The following ERICH6B variants were observed in gnomAD, a reference collection of about 807,000 sequenced individuals.
ERICH6B encodes glutamate-rich protein 6B.
Under a neutral mutation model 80.0 loss-of-function variants are expected in ERICH6B, and 69 were observed. The ratio of observed to expected loss-of-function variants is 0.86; its 90% CI spans 0.71 to 1.05. The LOEUF is 1.05. Ranked by LOEUF, ERICH6B falls within the 50% of genes least tolerant of loss-of-function variation. The pLI is 0.00. For missense variants in ERICH6B, 754 were observed against 796.1 expected, an observed-to-expected ratio of 0.95 and a Z score of 0.64; for synonymous variants, 283 against 291.9, an observed-to-expected ratio of 0.97 and a Z score of 0.31.
At chr13:45,574,977 A>C (rs1566295101) in intron 7 of ERICH6B, 47 bp from the exon 8 acceptor site, 18 of 1,260,902 alleles carry the variant, frequency 1.4e-5, no homozygotes, top group Non-Finnish European at 1.9e-5. Context: ...TGTGGAAAGA[A>C]AACCAAAAAC....
chr13:45,604,109 G>C (rs1203517606), intron 2 of ERICH6B, among the ~76,000 whole-genome samples: 1 of 152,218 alleles, frequency 6.6e-6, no homozygotes, highest in Non-Finnish European at 1.5e-5. Context: ...GACACATGGA[G>C]ACAGGGGCAC....
At chr13:45,572,059 T>C (rs951396038) in intron 8 of ERICH6B, among the ~76,000 whole-genome samples, 3 of 152,260 alleles carry the variant, frequency 2.0e-5, no homozygotes, top group Non-Finnish European at 4.4e-5. Flanking sequence ...TAAAAATCTT[T>C]AGCCAAGAGC....
Position 45,561,464 on chromosome 13 carries a change from T to C in ERICH6B, c.1312A>G (p.Lys438Glu). The C allele has an allele frequency of 6.4e-7, 1 of 1,552,172 alleles. No homozygotes were observed. ...FHLMSKPTPE[K>E]PETEEIQKPQ... ...TTTTGGATTTCTTCTGTCTCAGGCT[T>C]CTCAGGTGTTGGTTTGCTCATTAAA... Residue 438 changes from lysine (K) to glutamate (E), a missense_variant, in exon 11 of 15, where the codon AAG (lysine) becomes GAG (glutamate). Transcript: ENST00000298738.
At chr13:45,598,202 G>T (rs549905914) in intron 2 of ERICH6B, among the ~76,000 whole-genome samples, 2 of 151,968 alleles carry the variant, frequency 1.3e-5, no homozygotes, top group Non-Finnish European at 2.9e-5. Flanking sequence ...GTGTGTTCTT[G>T]TTCAATTTTT....
At chr13:45,580,737 ATGTGGGGTCCC>A in intron 5 of ERICH6B, 72 bp from the exon 6 acceptor site, 1 of 1,460,730 alleles carries the variant, frequency 6.8e-7, no homozygotes, top group Non-Finnish European at 9.3e-7. Context: ...CATACTGGGT[ATGTGGGGTCCC>A]AGGTTCTTTC....
intron 3 of ERICH6B, among the ~76,000 whole-genome samples, chr13:45,593,318 A>T (rs913709281): frequency 2.6e-5 from 4 of 152,086 alleles, no homozygotes; most frequent in Admixed American, 6.6e-5. Flanking sequence ...ATTGTGTCTC[A>T]TCTTTTGGTT....
chr13:45,593,412 G>A (rs1876234308), intron 3 of ERICH6B, among the ~76,000 whole-genome samples: 2 of 152,162 alleles, frequency 1.3e-5, no homozygotes, highest in South Asian at 4.2e-4. Flanking sequence ...AATACATCAT[G>A]TAATATAATA....
At chr13:45,597,763 T>A (rs1876463667) in intron 2 of ERICH6B, among the ~76,000 whole-genome samples, 2 of 152,226 alleles carry the variant, frequency 1.3e-5, no homozygotes, top group African/African-American at 4.8e-5. Context: ...TTTGCTATAT[T>A]AAATTGTTTG....
rs1387552315 is a variant in ERICH6B, at chr13:45,613,955, A to G, written c.-111+1730T>C. On this transcript the variant is annotated intron_variant, in intron 1 of 14. Transcript: ENST00000298738. ...TGGCTGAGGTCTGGAAGGGCTGAGG[A>G]ATTTGCTGCCAGGGTCTGTCTTAGC... is the stretch of plus-strand genomic sequence containing the variant. 2.6e-5 allele frequency among the ~76,000 whole-genome samples: 4 copies of G among 152,230 alleles called. No individual in the cohort carries two copies. In the East Asian group the frequency reaches 5.8e-4, roughly 22 times the overall value.
chr13:45,593,658 C>G (rs1447394268), intron 3 of ERICH6B, among the ~76,000 whole-genome samples: 1 of 152,082 alleles, frequency 6.6e-6, no homozygotes, highest in Admixed American at 6.5e-5. Flanking sequence ...CAGTCAAGCT[C>G]CTGAGAGAAA....
In ERICH6B at chr13:45,596,897, C is replaced by G; in HGVS notation, c.109G>C (p.Glu37Gln). 1 of 1,551,826 alleles carries G rather than the reference C, an allele frequency of 6.4e-7. No individual in the cohort carries two copies. Among genetic ancestry groups the G allele is most frequent in the Middle Eastern group, 1.7e-4 (1 of 5,992 alleles). The change falls in exon 3 of 15, where the codon GAA (glutamate) becomes CAA (glutamine). Residue 37 changes from glutamate to glutamine, a missense_variant. Physicochemically the swap from Glu to Gln is conservative, Grantham distance 29. Transcript: ENST00000298738. ...TCCTGTAGACTTTCCTCATCTAGTTCTACTTCAGTATCCTCTTTCTCTGAA... is the reference window on the plus strand; with the variant it reads ...TCCTGTAGACTTTCCTCATCTAGTTGTACTTCAGTATCCTCTTTCTCTGAA... ...LPSEKEDTEV[E>Q]LDEESLQDES...
rs542422083 is a variant in ERICH6B at position 45,585,802 on chromosome 13, A to G, written c.856+1261T>C. ...AATATACATGGTGATTACAACCTCA[A>G]TGAAATGCAGACATAATTAGCTCTA... On this transcript the variant is annotated intron_variant, in intron 5 of 14. Coordinates refer to ENST00000298738, the MANE Select transcript of ERICH6B (RefSeq NM_182542.3). Among the ~76,000 whole-genome samples the G allele has an allele frequency of 5.9e-5, 9 of 152,312 alleles. No individual in the cohort carries two copies. In the East Asian group the frequency reaches 9.6e-4, roughly 16 times the overall value.
chr13:45,555,835 G>T (rs1469953991), intron 11 of ERICH6B, among the ~76,000 whole-genome samples: 2 of 151,872 alleles, frequency 1.3e-5, no homozygotes, highest in African/African-American at 4.8e-5. Context: ...TTGTCCAGAT[G>T]AATACAGCTT....
At chr13:45,542,448 C>T (rs1873817574) in intron 14 of ERICH6B, among the ~76,000 whole-genome samples, 1 of 152,208 alleles carries the variant, frequency 6.6e-6, no homozygotes, top group South Asian at 2.1e-4. Context: ...TGTCTCATTT[C>T]TTTGGCTCTG....
At chr13:45,589,687 A>G (rs979117309) in intron 4 of ERICH6B, among the ~76,000 whole-genome samples, 1 of 152,182 alleles carries the variant, frequency 6.6e-6, no homozygotes, top group African/African-American at 2.4e-5. Flanking sequence ...CCAGTTCTCA[A>G]TATCTTTAAG....
chr13:45,557,211 C>T (rs958237491), intron 11 of ERICH6B, among the ~76,000 whole-genome samples: 7 of 151,870 alleles, frequency 4.6e-5, no homozygotes, highest in South Asian at 2.1e-4. Flanking sequence ...CATTTTTTCA[C>T]GTTTGTTGGT....
intron 8 of ERICH6B, among the ~76,000 whole-genome samples, chr13:45,573,062 G>T (rs1183281226): frequency 6.6e-6 from 1 of 152,084 alleles, no homozygotes; most frequent in South Asian, 2.1e-4. Flanking sequence ...GATGCAGATA[G>T]CTCTGGTTCC....
At chr13:45,568,593 G>C (rs1343979226) in intron 8 of ERICH6B, 142 bp from the exon 9 acceptor site, 3 of 791,052 alleles carry the variant, frequency 3.8e-6, no homozygotes, top group Non-Finnish European at 5.7e-6. Context: ...CAGGGGCAGG[G>C]GGAGGGAGAG....
intron 4 of ERICH6B, among the ~76,000 whole-genome samples, chr13:45,589,732 C>T (rs1435607752): frequency 6.6e-6 from 1 of 152,230 alleles, no homozygotes; most frequent in Admixed American, 6.5e-5. Flanking sequence ...TTCACTGTGT[C>T]TGGGCACATT....
Sources: gnomAD v4.1 joint callset for allele counts (sites outside exome capture counted in the v4.1 genomes callset) on GRCh38, gnomAD v4.1.1 for gene constraint, MANE v1.5 for transcripts, NCBI Gene and HGNC (gene_info 2026-07-23, HGNC 2026-07-21) for gene names.